Variants in PCSK5 observed in about 807,000 individuals in gnomAD.
PCSK5 encodes prohormone convertase 5.
PCSK5 carries 129 observed loss-of-function variants against 233.2 expected under a neutral mutation model. The observed-to-expected ratio is 0.55, with a 90% CI of 0.48 to 0.64. PCSK5 has a LOEUF of 0.64. Ranked by LOEUF, PCSK5 falls within the 30% of genes least tolerant of loss-of-function variation. The pLI, the probability that PCSK5 is intolerant of heterozygous loss-of-function variation, is 0.00. For missense variants in PCSK5, 2,076 were observed against 2,430.1 expected (o/e 0.85, Z 3.06); for synonymous variants, 825 against 879.2 (o/e 0.94, Z 1.09).
intron 7 of PCSK5, among the ~76,000 whole-genome samples, chr9:76,080,780 T>TA (rs1473012333): frequency 6.6e-6 from 1 of 152,170 alleles, no homozygotes; most frequent in Admixed American, 6.5e-5. Flanking sequence ...TTAATTCCTG[T>TA]AAAATATTCA....
At chr9:76,064,038 C>T (rs1156539098) in intron 5 of PCSK5, among the ~76,000 whole-genome samples, 5 of 88,550 alleles carry the variant, frequency 5.6e-5, no homozygotes, top group African/African-American at 5.9e-5. Flanking sequence ...CCGGACGGGG[C>T]AGCTGGCCGG....
intron 22 of PCSK5, among the ~76,000 whole-genome samples, chr9:76,234,232 G>C (rs1455316993): frequency 6.6e-6 from 1 of 151,924 alleles, no homozygotes. Context: ...TTAAATTTGA[G>C]TCAAATTTAA....
rs763118626 is a variant in PCSK5, at chr9:76,321,373, T to C, written c.3885-49T>C. 4.0e-6 allele frequency: 4 copies of C among 1,012,448 alleles called. No individual in the cohort carries two copies. In the South Asian group the frequency reaches 5.1e-5, roughly 13 times the overall value. The allele number at this position is 1,012,448 out of a possible 1,614,324, so 62.7% of individuals were successfully genotyped here. On this transcript the variant is annotated intron_variant, in intron 30 of 37. Coordinates refer to ENST00000674117, the MANE Select transcript of PCSK5 (RefSeq NM_001372043.1). ...TTCCTTTTCCCCAGGAATGAGTCAC[T>C]TCTCCAGCAGGTCAGCTTCTCCAGT...
chr9:76,034,024 C>A (rs964043080), intron 5 of PCSK5, among the ~76,000 whole-genome samples: 1 of 152,190 alleles, frequency 6.6e-6, no homozygotes, highest in African/African-American at 2.4e-5. Flanking sequence ...AAATTCATTT[C>A]TATACATACA....
intron 10 of PCSK5, among the ~76,000 whole-genome samples, chr9:76,153,161 A>G (rs1487381265): frequency 9.2e-5 from 14 of 152,218 alleles, no homozygotes; most frequent in Admixed American, 9.2e-4. Flanking sequence ...CAGATATAAC[A>G]GTAGGCAAGT....
chr9:76,101,314 C>A (rs1191168511), intron 8 of PCSK5, among the ~76,000 whole-genome samples: 1 of 152,088 alleles, frequency 6.6e-6, no homozygotes, highest in Non-Finnish European at 1.5e-5. Context: ...TTCAGAGAAA[C>A]TTCTTCTGTC....
rs143797543 is a variant in PCSK5 at position 75,989,151 on chromosome 9, G to A, written c.411+2906G>A. Among the ~76,000 whole-genome samples, 544 of 152,258 alleles carry A rather than the reference G, an allele frequency of 3.6e-3. 2 individuals are homozygous for A. Among genetic ancestry groups the A allele is most frequent in the African/African-American group, 0.013 (527 of 41,552 alleles). ...CAGGACTTTCAGATCTGCAGATCTG[G>A]ATGCCCATCCCCATTGCTTCACTTA... On this transcript the variant is annotated intron_variant, in intron 3 of 37. Transcript: ENST00000674117.
chr9:76,175,679 A>G (rs978519923), intron 14 of PCSK5: 1 of 154,076 alleles, frequency 6.5e-6, no homozygotes, highest in East Asian at 1.9e-4. Flanking sequence ...TGCTATCCAG[A>G]CAAGATGTAC....
chr9:75,892,355 T>TG (rs1196435869), intron 1 of PCSK5, among the ~76,000 whole-genome samples: 1 of 152,066 alleles, frequency 6.6e-6, no homozygotes, highest in Non-Finnish European at 1.5e-5. Context: ...CTGCGAGAAA[T>TG]GGGGGTAGAG....
intron 35 of PCSK5, among the ~76,000 whole-genome samples, chr9:76,345,522 T>G (rs1554724104): frequency 6.6e-6 from 1 of 151,574 alleles, no homozygotes; most frequent in Non-Finnish European, 1.5e-5. Flanking sequence ...GGGTTCACGC[T>G]ATTCTCCTGA....
intron 1 of PCSK5, among the ~76,000 whole-genome samples, chr9:75,909,144 G>A (rs940715437): frequency 6.6e-6 from 1 of 151,594 alleles, no homozygotes; most frequent in African/African-American, 2.4e-5. Context: ...GGCCAACATG[G>A]CGAAACCCTT....
intron 5 of PCSK5, among the ~76,000 whole-genome samples, chr9:76,034,728 T>A (rs1021195262): frequency 1.3e-5 from 2 of 152,298 alleles, no homozygotes; most frequent in Middle Eastern, 3.4e-3. Flanking sequence ...AAAACTTTTT[T>A]AAAATCCTAG....
intron 22 of PCSK5, among the ~76,000 whole-genome samples, chr9:76,237,668 T>G (rs1250687291): frequency 6.6e-6 from 1 of 151,588 alleles, no homozygotes; most frequent in Non-Finnish European, 1.5e-5. Flanking sequence ...TCTAGCTACT[T>G]GAAAGGCTGA....
chr9:76,321,399 T>G (rs888605484), intron 30 of PCSK5, 23 bp from the exon 31 acceptor site: 8 of 1,286,490 alleles, frequency 6.2e-6, no homozygotes, highest in Non-Finnish European at 9.1e-6. Context: ...CTTCTCCAGT[T>G]GCACTCTGTC....
At chr9:76,044,534 G>A (rs1300927190) in intron 5 of PCSK5, among the ~76,000 whole-genome samples, 1 of 152,116 alleles carries the variant, frequency 6.6e-6, no homozygotes, top group Non-Finnish European at 1.5e-5. Flanking sequence ...AAACAGTGGG[G>A]GAAATAAAAG....
At chr9:75,902,131 G>A (rs7045209) in intron 1 of PCSK5, among the ~76,000 whole-genome samples, 26,514 of 146,736 alleles carry the variant, frequency 0.18, 2,886 homozygotes, top group African/African-American at 0.3. Flanking sequence ...CAGGAGAATC[G>A]CTTGAACCCA....
At chr9:76,092,803 C>G (rs1156248671) in intron 7 of PCSK5, among the ~76,000 whole-genome samples, 3 of 152,166 alleles carry the variant, frequency 2.0e-5, no homozygotes, top group Non-Finnish European at 4.4e-5. Flanking sequence ...TTTTAGTACA[C>G]AGTGGACCGT....
chr9:76,271,786 C>T (rs955519682), intron 24 of PCSK5, among the ~76,000 whole-genome samples: 5 of 152,190 alleles, frequency 3.3e-5, no homozygotes, highest in African/African-American at 1.2e-4. Flanking sequence ...CTTCTGGAGG[C>T]TCTGAGGGCA....
At chr9:76,268,301 G>T (rs1030846790) in intron 24 of PCSK5, among the ~76,000 whole-genome samples, 1 of 151,952 alleles carries the variant, frequency 6.6e-6, no homozygotes, top group Non-Finnish European at 1.5e-5. Context: ...GCACATACAC[G>T]TGCTTGTCAG....
Sources: gnomAD v4.1 joint callset for allele counts (sites outside exome capture counted in the v4.1 genomes callset) on GRCh38, gnomAD v4.1.1 for gene constraint, MANE v1.5 for transcripts, NCBI Gene and HGNC (gene_info 2026-07-23, HGNC 2026-07-21) for gene names.